Variants in TYW1 observed in about 807,000 individuals in gnomAD.
TYW1 encodes tRNA-yW synthesizing protein 1 homolog.
TYW1 carries 46 observed loss-of-function variants against 96.2 expected under a neutral mutation model. That is an observed-to-expected ratio of 0.48 (90% CI 0.38 to 0.61). The LOEUF is 0.61. Ranked by LOEUF, TYW1 falls within the 20% of genes least tolerant of loss-of-function variation. TYW1 has a pLI of 0.00. For missense variants in TYW1, 684 were observed against 909.6 expected (o/e 0.75, Z 3.19); for synonymous variants, 274 against 323.0 (o/e 0.85, Z 1.63).
intron 3 of TYW1, among the ~76,000 whole-genome samples, chr7:67,004,276 G>A (rs1055250730): frequency 3.3e-5 from 5 of 152,246 alleles, no homozygotes; most frequent in East Asian, 1.9e-4. Context: ...TTGATCCCTC[G>A]TGTTGGTGAT....
At chr7:67,187,719 A>T (rs938078100) in intron 14 of TYW1, among the ~76,000 whole-genome samples, 1 of 152,208 alleles carries the variant, frequency 6.6e-6, no homozygotes, top group Non-Finnish European at 1.5e-5. Flanking sequence ...TACATTTTCA[A>T]TGTTGTATGT....
At chr7:67,219,642 G>A (rs28879443) in intron 15 of TYW1, among the ~76,000 whole-genome samples, 40,655 of 150,556 alleles carry the variant, frequency 0.27, 5,814 homozygotes, top group African/African-American at 0.36. Context: ...GAATTTGTCT[G>A]TTTCATCTAG....
chr7:67,167,468 C>CAAAAA (rs869281504), intron 13 of TYW1, among the ~76,000 whole-genome samples: 1 of 78,804 alleles, frequency 1.3e-5, no homozygotes, highest in African/African-American at 5.0e-5. Flanking sequence ...GACTCTGTCT[C>CAAAAA]AAAAAAAAAA....
intron 11 of TYW1, among the ~76,000 whole-genome samples, chr7:67,091,419 TGGGGGGA>T: frequency 9.9e-5 from 2 of 20,302 alleles, no homozygotes; most frequent in South Asian, 2.9e-3. Context: ...TGTCATGGGT[TGGGGGGA>T]GGGGGGAGGG....
chr7:67,209,324 T>C (rs1252158411), intron 15 of TYW1, among the ~76,000 whole-genome samples: 2 of 152,196 alleles, frequency 1.3e-5, no homozygotes, highest in African/African-American at 4.8e-5. Flanking sequence ...CAGTCAGCTG[T>C]TTCTGGGCTT....
At chr7:67,221,028 A>C (rs1184587812) in intron 15 of TYW1, among the ~76,000 whole-genome samples, 1 of 152,072 alleles carries the variant, frequency 6.6e-6, no homozygotes, top group East Asian at 1.9e-4. Flanking sequence ...CGCCCGTCCA[A>C]GTGCTTTATT....
chr7:67,188,344 A>G (rs79335036), intron 14 of TYW1, among the ~76,000 whole-genome samples: 8,575 of 152,166 alleles, frequency 0.056, 508 homozygotes, highest in East Asian at 0.18. Context: ...AAATAACAAC[A>G]ACAATAATAA....
Position 67,189,434 on chromosome 7 carries a change from T to C in TYW1, c.1810-5736T>C, listed in dbSNP as rs140140468. On this transcript the variant is annotated intron_variant, in intron 14 of 15. Coordinates refer to ENST00000359626, the MANE Select transcript of TYW1 (RefSeq NM_018264.4). ...TGTGTGTATGTGCATGTGTGTGTGGTATGTGTATGTATGTGTGTGTGTTTG... is the reference window on the plus strand; with the variant it reads ...TGTGTGTATGTGCATGTGTGTGTGGCATGTGTATGTATGTGTGTGTGTTTG... Among the ~76,000 whole-genome samples, 322 of 149,770 alleles carry C rather than the reference T, an allele frequency of 2.1e-3. 13 individuals carry two copies. In the East Asian group the frequency reaches 0.063, roughly 29 times the overall value.
chr7:67,008,137 A>T (rs1254798314), intron 3 of TYW1, among the ~76,000 whole-genome samples: 1 of 152,104 alleles, frequency 6.6e-6, no homozygotes, highest in Non-Finnish European at 1.5e-5. Flanking sequence ...ATCATAAAGG[A>T]TGCAACTCAG....
chr7:67,080,402 C>CT lies in TYW1; in HGVS notation c.1275-3012dup, dbSNP rs370544344. 3.2e-3 allele frequency among the ~76,000 whole-genome samples: 453 copies of CT among 141,574 alleles called. 4 individuals carry two copies. Among genetic ancestry groups the CT allele is most frequent in the African/African-American group, 4.7e-3 (182 of 38,496 alleles). 92.9% of individuals were successfully genotyped at this position (141,574 alleles called of 152,430 possible). On this transcript the variant is annotated intron_variant, in intron 10 of 15. Coordinates refer to ENST00000359626, the MANE Select transcript of TYW1 (RefSeq NM_018264.4). ...ATACAAGGATAGCTACTCTTGCTTA[C>CT]TTTTTTTTTTTTTTTTAATTTGAGA... is the stretch of plus-strand genomic sequence containing the variant.
At chr7:67,066,740 T>G (rs940646114) in intron 9 of TYW1, among the ~76,000 whole-genome samples, 2 of 152,078 alleles carry the variant, frequency 1.3e-5, no homozygotes, top group East Asian at 1.9e-4. Context: ...CCCAGCTACT[T>G]GAGAGTCTGA....
intron 12 of TYW1, among the ~76,000 whole-genome samples, chr7:67,113,336 A>G (rs1237504147): frequency 6.6e-6 from 1 of 152,184 alleles, no homozygotes; most frequent in Non-Finnish European, 1.5e-5. Context: ...TAAATGTTGA[A>G]TGAAGTGCAT....
chr7:67,103,228 G>C (rs1412003975), intron 12 of TYW1, among the ~76,000 whole-genome samples: 4 of 152,212 alleles, frequency 2.6e-5, no homozygotes, highest in African/African-American at 4.8e-5. Context: ...ATGGAAGTCT[G>C]GTAGACATGG....
chr7:67,016,297 C>G (rs896811562), intron 5 of TYW1, among the ~76,000 whole-genome samples: 1 of 149,112 alleles, frequency 6.7e-6, no homozygotes, highest in African/African-American at 2.5e-5. Context: ...CCTGTAATGC[C>G]AGCACTTTGG....
intron 15 of TYW1, among the ~76,000 whole-genome samples, chr7:67,229,959 A>G (rs1801696003): frequency 6.6e-6 from 1 of 152,188 alleles, no homozygotes. Context: ...CTCTAAAACA[A>G]AACAAAACAA....
At chr7:67,206,412 C>A (rs991114783) in intron 15 of TYW1, among the ~76,000 whole-genome samples, 1 of 152,062 alleles carries the variant, frequency 6.6e-6, no homozygotes, top group Admixed American at 6.6e-5. Context: ...AGGTGGATCA[C>A]CTTAGGTCAG....
At chr7:67,130,999 G>A (rs958592874) in intron 13 of TYW1, among the ~76,000 whole-genome samples, 6 of 152,050 alleles carry the variant, frequency 3.9e-5, no homozygotes, top group South Asian at 2.1e-4. Flanking sequence ...CCCTTAACAC[G>A]GTGACTGACA....
chr7:67,204,512 A>G (rs1372928376), intron 15 of TYW1, among the ~76,000 whole-genome samples: 3 of 89,680 alleles, frequency 3.3e-5, no homozygotes, highest in Non-Finnish European at 6.8e-5. Context: ...CTCTTTTTTT[A>G]TTTTCCTTCT....
chr7:67,092,259 TCAC>T, intron 11 of TYW1, among the ~76,000 whole-genome samples: 1 of 152,100 alleles, frequency 6.6e-6, no homozygotes, highest in Non-Finnish European at 1.5e-5. Flanking sequence ...ACCTCCAGTG[TCAC>T]CACCTTGGTC....
Sources: gnomAD v4.1 joint callset for allele counts (sites outside exome capture counted in the v4.1 genomes callset) on GRCh38, gnomAD v4.1.1 for gene constraint, MANE v1.5 for transcripts, NCBI Gene and HGNC (gene_info 2026-07-23, HGNC 2026-07-21) for gene names.